The following SRRM5 variants were observed in gnomAD, a reference collection of about 807,000 sequenced individuals.
SRRM5 encodes serine/arginine repetitive matrix 5.
SRRM5 carries 1 observed loss-of-function variant against 1.3 expected under a neutral mutation model. The observed-to-expected ratio is 0.76, with a 90% confidence interval of 0.27 to 3.59. The LOEUF (loss-of-function observed/expected upper bound fraction) is 3.59, where lower values mean the gene tolerates loss of function less well. Ranked by LOEUF, SRRM5 falls within the 30% of genes most tolerant of loss-of-function variation. The pLI, the probability that SRRM5 is intolerant of heterozygous loss-of-function variation, is 0.19. For synonymous variants in SRRM5, 275 were observed against 320.2 expected (o/e 0.86, Z 1.51); for missense variants, 875 against 914.5 (o/e 0.96, Z 0.56).
rs1255983659 is a variant in SRRM5 at position 43,613,698 on chromosome 19, G to A, written c.1577G>A (p.Ser526Asn). 6.4e-7 allele frequency: 1 copy of A among 1,551,524 alleles called. No individual in the cohort carries two copies. Among genetic ancestry groups the A allele is most frequent in the South Asian group, 1.2e-5 (1 of 84,050 alleles). Residue 526 changes from serine to asparagine, a missense_variant, in exon 1 of 1, where the codon AGC becomes AAC. Transcript: ENST00000417606. Reference sequence around the variant, plus strand: ...GAGAGAGATCACAGACGATCTAGAAGCCCCAGCAAGGAGAGACAGCGCAGA... The same window carrying A: ...GAGAGAGATCACAGACGATCTAGAAACCCCAGCAAGGAGAGACAGCGCAGA... ...SKERDHRRSR[S>N]PSKERQRRQS...
Position 43,612,630 on chromosome 19 carries a change from G to C in SRRM5, c.509G>C (p.Gly170Ala), listed in dbSNP as rs1280968825. ...TPTSQQKGSRGKSYGRPRTSN... is the reference protein window; with the variant it reads ...TPTSQQKGSRAKSYGRPRTSN... ...ACTTCACAGCAAAAAGGGAGCCGGG[G>C]AAAGAGTTACGGCCGGCCTAGAACC... Residue 170 changes from glycine to alanine, a missense_variant, in exon 1 of 1, where the codon GGA (glycine) becomes GCA (alanine). Gly to Ala is a moderately conservative substitution (Grantham distance 60, BLOSUM62 0). Transcript: ENST00000417606. This position sits in a 1 kb window ranked among gnomAD's most constrained non-coding sequence, Gnocchi z 4.2. The C allele has an allele frequency of 6.4e-7, 1 of 1,551,538 alleles. No individual in the cohort carries two copies. Among genetic ancestry groups the C allele is most frequent in the Non-Finnish European group, 8.7e-7 (1 of 1,146,986 alleles).
In SRRM5 at chr19:43,613,945, T is replaced by C. The variant is rs1411292893; in HGVS notation, c.1824T>C (p.Pro608=). ...ATAAGCAGAGTGGTTACAGTCGACC[T>C]AGAGCCTCCAGCAAGGAGAAAGCTC... ...SPNKQSGYSR[P]RASSKEKAHS... The change falls in exon 1 of 1, where the codon CCT becomes CCC. Residue 608 remains proline (P), a synonymous_variant. Transcript: ENST00000417606. 1.3e-6 allele frequency: 2 copies of C among 1,551,646 alleles called. No individual in the cohort carries two copies. The highest frequency in any genetic ancestry group is 1.7e-6 in the Non-Finnish European group (2 of 1,146,978).
At position 43,614,225 on chromosome 19, in the gene SRRM5, T is replaced by G. The variant is rs200161473; in HGVS notation, c.2104T>G (p.Leu702Val). 2.5e-6 allele frequency: 4 copies of G among 1,614,184 alleles called. No individual in the cohort carries two copies. The East Asian group carries it at 8.9e-5, about 36-fold the overall frequency. ...QADATTSKATLPGERSSSSSS... is the reference protein window; with the variant it reads ...QADATTSKATVPGERSSSSSS... ...CGACGCCACCACCTCTAAGGCCACC[T>G]TACCTGGGGAAAGGTCTTCATCATC... The change falls in exon 1 of 1, where the codon TTA becomes GTA. Residue 702 changes from leucine to valine, a missense_variant. Leu to Val is a conservative substitution (Grantham distance 32, BLOSUM62 1). Transcript: ENST00000417606.
chr19:43,613,749 G>GAGAT lies in SRRM5; in HGVS notation c.1629_1632dup (p.Ser548ProfsTer3). The GAGAT allele has an allele frequency of 6.4e-7, 1 of 1,551,604 alleles. No individual in the cohort carries two copies. Among genetic ancestry groups the GAGAT allele is most frequent in the Non-Finnish European group, 8.7e-7 (1 of 1,146,938 alleles). ...CAATCTAGAAGCCCCAACAAGGAGA[G>GAGAT]AGATCGCAGCCAATCTAGAAGCCCC... On this transcript the variant is annotated frameshift_variant, in exon 3 of 3. Transcript: ENST00000607544. LOFTEE classifies it low-confidence loss of function (END_TRUNC).
rs1973339766 is a variant in SRRM5, at chr19:43,613,822, A to C, written c.1701A>C (p.Arg567Ser). The change falls in exon 1 of 1, where the codon AGA (arginine) becomes AGC (serine). Residue 567 changes from arginine (R) to serine (S), a missense_variant. By Grantham distance (110) the Arg-to-Ser change is moderately radical. Transcript: ENST00000417606. ...AATCCAGAAGCCCCAGCAAAGAGAG[A>C]GATCGCAGACGATGGAGAAGCCCCA... Reference protein sequence around the residue: ...HRQSRSPSKERDRRRWRSPSK... With the variant: ...HRQSRSPSKESDRRRWRSPSK... The C allele has an allele frequency of 2.6e-6, 4 of 1,549,454 alleles. No homozygotes were observed. Among genetic ancestry groups the C allele is most frequent in the Non-Finnish European group, 3.5e-6 (4 of 1,145,262 alleles).
In SRRM5 at chr19:43,613,487, A is replaced by T. The variant is rs748734367; in HGVS notation, c.1366A>T (p.Asn456Tyr). 3.2e-6 allele frequency: 5 copies of T among 1,542,976 alleles called. No individual in the cohort carries two copies. Among genetic ancestry groups the T allele is most frequent in the Admixed American group, 2.0e-5 (1 of 50,256 alleles). ...AGATCGCAGCCGATCTAGAAGTCCC[A>T]ACAAGGCAAGAGATCATAGCCGATC... The part of the protein sequence containing the change: ...ARDRSRSRSP[N>Y]KARDHSRSRS... Residue 456 changes from asparagine (N) to tyrosine (Y), a missense_variant, in exon 1 of 1, where the codon AAC becomes TAC. Transcript: ENST00000417606.
chr19:43,613,905 G>C lies in SRRM5; in HGVS notation c.1784G>C (p.Arg595Pro). 4.5e-6 allele frequency: 7 copies of C among 1,551,538 alleles called. No homozygotes were observed. The highest frequency in any genetic ancestry group is 6.1e-6 in the Non-Finnish European group (7 of 1,146,938). The change falls in exon 1 of 1, where the codon CGA (arginine) becomes CCA (proline). Residue 595 changes from arginine (R) to proline (P), a missense_variant. Arg to Pro is a moderately radical substitution (Grantham distance 103). Coordinates refer to ENST00000417606, the MANE Select transcript of SRRM5 (RefSeq NM_001145641.2). Reference protein sequence around the residue: ...RSSSEERDHSRSRSPNKQSGY... With the variant: ...RSSSEERDHSPSRSPNKQSGY... ...TCCAGCGAGGAGAGAGATCACAGCCGATCTAGAAGCCCCAATAAGCAGAGT... is the reference window on the plus strand; with the variant it reads ...TCCAGCGAGGAGAGAGATCACAGCCCATCTAGAAGCCCCAATAAGCAGAGT...
At position 43,612,684 on chromosome 19, in the gene SRRM5, C is replaced by G. The variant is rs756224584; in HGVS notation, c.563C>G (p.Pro188Arg). The G allele has an allele frequency of 6.4e-7, 1 of 1,551,504 alleles. No individual in the cohort carries two copies. The highest frequency in any genetic ancestry group is 8.7e-7 in the Non-Finnish European group (1 of 1,146,970). The change falls in exon 1 of 1, where the codon CCT becomes CGT. Residue 188 changes from proline (P) to arginine (R), a missense_variant. Physicochemically the swap from Pro to Arg is moderately radical, Grantham distance 103 (BLOSUM62 -2). Transcript: ENST00000417606. The surrounding 1 kb of genome is among the most constrained non-coding windows in gnomAD (Gnocchi z 4.2). ...TSNRERSDSQPRNLSKKSYRP... is the reference protein window; with the variant it reads ...TSNRERSDSQRRNLSKKSYRP... Reference sequence around the variant, plus strand: ...AACAGGGAAAGGAGTGACAGCCAGCCTAGAAATCTGAGCAAGAAGAGTTAC... The same window carrying G: ...AACAGGGAAAGGAGTGACAGCCAGCGTAGAAATCTGAGCAAGAAGAGTTAC...
rs771574818 is a variant in SRRM5, at chr19:43,613,780, GGA to G, written c.1667_1668del (p.Glu556AlafsTer29). 50 of 1,549,884 alleles carry G rather than the reference GGA, an allele frequency of 3.2e-5. No individual in the cohort carries two copies. In the African/African-American group the frequency reaches 5.7e-4, roughly 18 times the overall value. Reference sequence around the variant, plus strand: ...GCAGCCAATCTAGAAGCCCCAGCGAGGAGAGAGAGCACAGACAATCCAGAAGC... The same window carrying G: ...GCAGCCAATCTAGAAGCCCCAGCGAGGAGAGAGCACAGACAATCCAGAAGC... On this transcript the variant is annotated frameshift_variant, in exon 3 of 3. Transcript: ENST00000607544. LOFTEE classifies it low-confidence loss of function (END_TRUNC).
chr19:43,614,386 T>A lies in SRRM5; in HGVS notation c.*117T>A. ...CCGGCCAGCTCTCCACAGCCACACC[T>A]CCGGCCACAAGTTCTCTAATACAGG... On this transcript the variant is annotated 3_prime_UTR_variant, in exon 1 of 1. Transcript: ENST00000417606. 1 of 1,509,862 alleles carries A rather than the reference T, an allele frequency of 6.6e-7. No individual in the cohort carries two copies. Among genetic ancestry groups the A allele is most frequent in the East Asian group, 2.3e-5 (1 of 43,514 alleles). The allele number at this position is 1,509,862 out of a possible 1,614,324, so 93.5% of individuals were successfully genotyped here.
At position 43,613,915 on chromosome 19, in the gene SRRM5, C is replaced by A. The variant is rs761541559; in HGVS notation, c.1794C>A (p.Ser598Arg). 1 of 1,551,652 alleles carries A rather than the reference C, an allele frequency of 6.4e-7. No homozygotes were observed. The highest frequency in any genetic ancestry group is 8.7e-7 in the Non-Finnish European group (1 of 1,146,976). ...AGAGAGATCACAGCCGATCTAGAAG[C>A]CCCAATAAGCAGAGTGGTTACAGTC... ...SEERDHSRSRSPNKQSGYSRP... is the reference protein window; with the variant it reads ...SEERDHSRSRRPNKQSGYSRP... Residue 598 changes from serine to arginine, a missense_variant, in exon 1 of 1, where the codon AGC (serine) becomes AGA (arginine). Transcript: ENST00000417606.
At position 43,613,074 on chromosome 19, in the gene SRRM5, C is replaced by T; in HGVS notation, c.953C>T (p.Thr318Ile). Reference sequence around the variant, plus strand: ...AACCATAGCAGGGCAAGAAGTCGCACCCGGAAGGGAATTCTGAGCCAGATG... The same window carrying T: ...AACCATAGCAGGGCAAGAAGTCGCATCCGGAAGGGAATTCTGAGCCAGATG... ...KRNHSRARSRTRKGILSQMGR... is the reference protein window; with the variant it reads ...KRNHSRARSRIRKGILSQMGR... The change falls in exon 1 of 1, where the codon ACC becomes ATC. Residue 318 changes from threonine (T) to isoleucine (I), a missense_variant. Physicochemically the swap from Thr to Ile is moderately conservative, Grantham distance 89. Transcript: ENST00000417606. The T allele has an allele frequency of 6.4e-7, 1 of 1,551,494 alleles. No individual in the cohort carries two copies. Among genetic ancestry groups the T allele is most frequent in the East Asian group, 2.4e-5 (1 of 40,908 alleles).
Position 43,612,273 on chromosome 19 carries a change from C to T in SRRM5, c.152C>T (p.Thr51Ile). 1.3e-6 allele frequency: 2 copies of T among 1,551,750 alleles called. No homozygotes were observed. Among genetic ancestry groups the T allele is most frequent in the Middle Eastern group, 1.7e-4 (1 of 5,992 alleles). Residue 51 changes from threonine (T) to isoleucine (I), a missense_variant, in exon 1 of 1, where the codon ACA becomes ATA. Thr to Ile is a moderately conservative substitution (Grantham distance 89). Coordinates refer to ENST00000417606, the MANE Select transcript of SRRM5 (RefSeq NM_001145641.2). The surrounding 1 kb of genome is among the most constrained non-coding windows in gnomAD (Gnocchi z 4.2). ...TCCTTAGTGCCCACCAAACCAGCGA[C>T]ATCCCGTAACTCAGTCATGAGCCCA... is the stretch of plus-strand genomic sequence containing the variant. ...NRSLVPTKPA[T>I]SRNSVMSPSS...
In SRRM5 at chr19:43,612,478, C is replaced by A; in HGVS notation, c.357C>A (p.Ser119Arg). The A allele has an allele frequency of 6.5e-7, 1 of 1,545,732 alleles. No individual in the cohort carries two copies. Among genetic ancestry groups the A allele is most frequent in the Non-Finnish European group, 8.8e-7 (1 of 1,142,440 alleles). The stretch of plus-strand genomic sequence containing the variant: ...GCCACCAGCGGAGGGGCACACACAG[C>A]CGGGGTAGGACACCTGGCAGAAGGG... ...VRCHQRRGTHSRGRTPGRRGS... is the reference protein window; with the variant it reads ...VRCHQRRGTHRRGRTPGRRGS... The change falls in exon 1 of 1, where the codon AGC (serine) becomes AGA (arginine). Residue 119 changes from serine (S) to arginine (R), a missense_variant. Physicochemically the swap from Ser to Arg is moderately radical, Grantham distance 110. Transcript: ENST00000417606. The surrounding 1 kb of genome is among the most constrained non-coding windows in gnomAD (Gnocchi z 4.2).
rs3815422 is a variant in SRRM5 at position 43,614,036 on chromosome 19, A to T, written c.1915A>T (p.Ser639Cys). 1 of 1,551,844 alleles carries T rather than the reference A, an allele frequency of 6.4e-7. No individual in the cohort carries two copies. Among genetic ancestry groups the T allele is most frequent in the Non-Finnish European group, 8.7e-7 (1 of 1,147,094 alleles). Reference sequence around the variant, plus strand: ...CCAATCTAGAACCTCTAGCAAGGAGAGCGACCCCAGTCAATCTACAGTCCC... The same window carrying T: ...CCAATCTAGAACCTCTAGCAAGGAGTGCGACCCCAGTCAATCTACAGTCCC... ...HSQSRTSSKE[S>C]DPSQSTVPRS... The change falls in exon 1 of 1, where the codon AGC (serine) becomes TGC (cysteine). Residue 639 changes from serine (S) to cysteine (C), a missense_variant. Ser to Cys is a moderately radical substitution (Grantham distance 112, BLOSUM62 -1). Coordinates refer to ENST00000417606, the MANE Select transcript of SRRM5 (RefSeq NM_001145641.2).
rs1472039888 is a variant in SRRM5, at chr19:43,613,709, G to C, written c.1588G>C (p.Glu530Gln). 4 of 1,551,192 alleles carry C rather than the reference G, an allele frequency of 2.6e-6. No individual in the cohort carries two copies. In the East Asian group the frequency reaches 7.3e-5, roughly 28 times the overall value. Reference sequence around the variant, plus strand: ...CAGACGATCTAGAAGCCCCAGCAAGGAGAGACAGCGCAGACAATCTAGAAG... The same window carrying C: ...CAGACGATCTAGAAGCCCCAGCAAGCAGAGACAGCGCAGACAATCTAGAAG... ...DHRRSRSPSK[E>Q]RQRRQSRSPN... Residue 530 changes from glutamate to glutamine, a missense_variant, in exon 1 of 1, where the codon GAG becomes CAG. By Grantham distance (29) the Glu-to-Gln change is conservative. Transcript: ENST00000417606.
In SRRM5 at chr19:43,612,786, C is replaced by T. The variant is rs1049609045; in HGVS notation, c.665C>T (p.Pro222Leu). The part of the protein sequence containing the change: ...VTPSTAKCQT[P>L]TGIPSKEKSD... ...CCCAGTACAGCCAAGTGTCAAACCC[C>T]GACTGGAATTCCCTCCAAGGAGAAG... The change falls in exon 1 of 1, where the codon CCG (proline) becomes CTG (leucine). Residue 222 changes from proline to leucine, a missense_variant. Coordinates refer to ENST00000417606, the MANE Select transcript of SRRM5 (RefSeq NM_001145641.2). The surrounding 1 kb of genome is among the most constrained non-coding windows in gnomAD (Gnocchi z 4.2). 10 of 1,551,602 alleles carry T rather than the reference C, an allele frequency of 6.4e-6. No individual in the cohort carries two copies. The highest frequency in any genetic ancestry group is 4.8e-5 in the South Asian group (4 of 84,058).
Position 43,612,750 on chromosome 19 carries a change from T to C in SRRM5, c.629T>C (p.Leu210Pro), listed in dbSNP as rs988904857. The change falls in exon 1 of 1, where the codon CTG becomes CCG. Residue 210 changes from leucine to proline, a missense_variant. Leu to Pro is a moderately conservative substitution (Grantham distance 98). Coordinates refer to ENST00000417606, the MANE Select transcript of SRRM5 (RefSeq NM_001145641.2). The surrounding 1 kb of genome is among the most constrained non-coding windows in gnomAD (Gnocchi z 4.2). ...GGSGIGRSSE[L>P]AVTPSTAKCQ... ...TCAGGTATAGGGAGGAGTTCCGAGCTGGCTGTAACTCCCAGTACAGCCAAG... is the reference window on the plus strand; with the variant it reads ...TCAGGTATAGGGAGGAGTTCCGAGCCGGCTGTAACTCCCAGTACAGCCAAG... The C allele has an allele frequency of 3.2e-5, 50 of 1,551,512 alleles. No individual in the cohort carries two copies. Among genetic ancestry groups the C allele is most frequent in the Non-Finnish European group, 4.2e-5 (48 of 1,146,982 alleles).
Position 43,613,332 on chromosome 19 carries a change from C to T in SRRM5, c.1211C>T (p.Ser404Phe), listed in dbSNP as rs1330416663. 54 of 1,551,368 alleles carry T rather than the reference C, an allele frequency of 3.5e-5. No individual in the cohort carries two copies. Among genetic ancestry groups the T allele is most frequent in the Non-Finnish European group, 4.4e-5 (51 of 1,146,878 alleles). ...SPNKQRDHSR[S>F]RSPNKARDRS... ...AACAAGCAGAGAGATCACAGCCGAT[C>T]TAGAAGTCCCAACAAGGCGAGAGAT... The change falls in exon 1 of 1, where the codon TCT becomes TTT. Residue 404 changes from serine (S) to phenylalanine (F), a missense_variant. Physicochemically the swap from Ser to Phe is radical, Grantham distance 155 (BLOSUM62 -2). Transcript: ENST00000417606.
Sources: allele counts gnomAD v4.1 joint callset, GRCh38; gene constraint gnomAD v4.1.1; non-coding constraint Gnocchi (gnomAD v3.1); transcripts MANE v1.5; gene names NCBI Gene and HGNC (gene_info 2026-07-23, HGNC 2026-07-21).